The following TJP1 variants were observed in gnomAD, a reference collection of about 807,000 sequenced individuals.
TJP1 encodes the protein tight junction protein ZO-1.
A neutral mutation model predicts 194.2 loss-of-function variants in TJP1; 43 were observed. The observed-to-expected ratio is 0.22, with a 90% CI of 0.17 to 0.29. The LOEUF is 0.29. Ranked by LOEUF, TJP1 falls within the 10% of genes least tolerant of loss-of-function variation. The pLI, the probability that TJP1 is intolerant of heterozygous loss-of-function variation, is 1.00. For missense variants in TJP1, 1,971 were observed against 2,185.7 expected, an observed-to-expected ratio of 0.90 and a Z score of 1.96; for synonymous variants, 801 against 779.0, an observed-to-expected ratio of 1.03 and a Z score of -0.47.
At chr15:29,958,361 T>C (rs145475572) in intron 1 of TJP1, among the ~76,000 whole-genome samples, 3 of 152,172 alleles carry the variant, frequency 2.0e-5, no homozygotes, top group Non-Finnish European at 2.9e-5. Flanking sequence ...TTTCTTTCTT[T>C]ACCCAATCTG....
intron 2 of TJP1, among the ~76,000 whole-genome samples, chr15:29,874,205 A>G (rs1170305522): frequency 3.3e-5 from 5 of 152,208 alleles, no homozygotes; most frequent in Non-Finnish European, 7.3e-5. Context: ...CTAGGGCAAG[A>G]TAGGGCCTGC....
At chr15:29,915,686 G>A (rs1546748) in intron 2 of TJP1, among the ~76,000 whole-genome samples, 14,585 of 152,198 alleles carry the variant, frequency 0.096, 1,512 homozygotes, top group African/African-American at 0.26. Context: ...AAGTGCTCTA[G>A]CAAAGCACTT....
intron 2 of TJP1, among the ~76,000 whole-genome samples, chr15:29,851,029 T>G (rs1413600780): frequency 6.6e-6 from 1 of 151,994 alleles, no homozygotes. Flanking sequence ...TTCCAGATAC[T>G]TGGGAGGCTG....
At chr15:29,785,251 T>C (rs375228959) in intron 2 of TJP1, among the ~76,000 whole-genome samples, 173 of 152,342 alleles carry the variant, frequency 1.1e-3, no homozygotes, top group African/African-American at 3.9e-3. Context: ...TGTTTATATG[T>C]CTACGCCTGG....
intron 1 of TJP1, among the ~76,000 whole-genome samples, chr15:29,965,024 C>T (rs1296143133): frequency 6.6e-6 from 1 of 152,118 alleles, no homozygotes; most frequent in South Asian, 2.1e-4. Context: ...CACAAATGCC[C>T]AAGCGAGATG....
At chr15:29,779,962 C>G (rs2047254756) in intron 2 of TJP1, among the ~76,000 whole-genome samples, 1 of 149,894 alleles carries the variant, frequency 6.7e-6, no homozygotes, top group African/African-American at 2.4e-5. Flanking sequence ...AACAAACAAA[C>G]AAACAAAATC....
chr15:29,859,509 C>G (rs1023128924), intron 2 of TJP1, among the ~76,000 whole-genome samples: 1 of 152,182 alleles, frequency 6.6e-6, no homozygotes, highest in Non-Finnish European at 1.5e-5. Flanking sequence ...ACCCCATGCA[C>G]AGAGGTGGCC....
At chr15:29,836,529 C>T (rs1381834489) in intron 2 of TJP1, among the ~76,000 whole-genome samples, 1 of 152,112 alleles carries the variant, frequency 6.6e-6, no homozygotes, top group Non-Finnish European at 1.5e-5. Context: ...CCTCAGCCTC[C>T]CAAGTACTGA....
intron 1 of TJP1, among the ~76,000 whole-genome samples, chr15:29,808,725 GGA>G (rs1301599090): frequency 6.6e-6 from 1 of 152,112 alleles, no homozygotes; most frequent in Non-Finnish European, 1.5e-5. Context: ...AGTAGATGAA[GGA>G]GAGTTTCTTT....
At chr15:29,846,458 GAGTTACACAC>G (rs1295673897) in intron 2 of TJP1, among the ~76,000 whole-genome samples, 1 of 152,066 alleles carries the variant, frequency 6.6e-6, no homozygotes, top group African/African-American at 2.4e-5. Flanking sequence ...TGATATCAGG[GAGTTACACAC>G]AAGAGAAGGG....
chr15:29,901,320 C>T (rs189993951), intron 2 of TJP1, among the ~76,000 whole-genome samples: 144 of 152,284 alleles, frequency 9.5e-4, no homozygotes, highest in African/African-American at 3.2e-3. Context: ...TTTGACTGTT[C>T]CTGCTTTCAC....
intron 2 of TJP1, among the ~76,000 whole-genome samples, chr15:29,859,168 A>C (rs951234596): frequency 7.9e-5 from 12 of 152,228 alleles, no homozygotes; most frequent in African/African-American, 2.2e-4. Flanking sequence ...GAAACGATTA[A>C]CTTATAGTTT....
At chr15:29,755,276 C>A (rs1267541547) in intron 8 of TJP1, among the ~76,000 whole-genome samples, 1 of 152,168 alleles carries the variant, frequency 6.6e-6, no homozygotes, top group East Asian at 1.9e-4. Flanking sequence ...GATGTTCACA[C>A]AAGGATGCAT....
At chr15:29,719,327 TA>T (rs762419744) in intron 20 of TJP1, among the ~76,000 whole-genome samples, 189 bp from the exon 21 acceptor site, 3 of 152,276 alleles carry the variant, frequency 2.0e-5, no homozygotes, top group South Asian at 4.1e-4. Flanking sequence ...ATAATGCAGG[TA>T]GGGGCTTTTA....
rs1389992105 is a variant in TJP1, at chr15:29,822,310, C to CCACGT, written c.-287_-283dup. The CCACGT allele has an allele frequency of 2.6e-4, 286 of 1,111,278 alleles. No individual in the cohort carries two copies. The highest frequency in any genetic ancestry group is 2.9e-4 in the Non-Finnish European group (260 of 910,494). The allele number at this position is 1,111,278 out of a possible 1,614,324, so 68.8% of individuals were successfully genotyped here. A position where few individuals can be genotyped will look rare whatever the true frequency, so the allele number is the denominator to read the frequency against. Reference sequence around the variant, plus strand: ...GCCTCCCGCAGCTTTCGCAGCCCGGCCACGTCGGCCTCGCCCGGTCGCCCG... The same window carrying CCACGT: ...GCCTCCCGCAGCTTTCGCAGCCCGGCCACGTCACGTCGGCCTCGCCCGGTCGCCCG... On this transcript the variant is annotated 5_prime_UTR_variant, in exon 1 of 28. Transcript: ENST00000614355.
At chr15:29,949,645 CACCACCACCTCCACCTCCACA>C (rs1555459025) in intron 2 of TJP1, among the ~76,000 whole-genome samples, 9 of 114,058 alleles carry the variant, frequency 7.9e-5, no homozygotes, top group African/African-American at 2.9e-4. Flanking sequence ...CCACCTCCAC[CACCACCACCTCCACCTCCACA>C]ACCACCACCT....
intron 2 of TJP1, among the ~76,000 whole-genome samples, chr15:29,871,545 G>T (rs1342295816): frequency 2.0e-5 from 3 of 152,236 alleles, no homozygotes; most frequent in African/African-American, 7.2e-5. Flanking sequence ...AGCTTGCCGT[G>T]GGAGAGGCGC....
At position 29,808,377 on chromosome 15, in the gene TJP1, C is replaced by T. The variant is rs373765787; in HGVS notation, c.28-7675G>A. ...CGAAGGGATGGAGGTGGGGGAGCTT[C>T]GGGACGTAAAGTAAATGTTCTTCCT... On this transcript the variant is annotated intron_variant, in intron 1 of 27. Coordinates refer to ENST00000614355, the MANE Select transcript of TJP1 (RefSeq NM_001330239.4). 4.6e-5 allele frequency among the ~76,000 whole-genome samples: 7 copies of T among 152,246 alleles called. No homozygotes were observed. In the South Asian group the frequency reaches 8.3e-4, roughly 18 times the overall value.
intron 4 of TJP1, among the ~76,000 whole-genome samples, chr15:29,766,778 C>T (rs2046357461): frequency 6.6e-6 from 1 of 151,854 alleles, no homozygotes; most frequent in Non-Finnish European, 1.5e-5. Flanking sequence ...GGCCTAAAAA[C>T]CTCTTTATTT....
Sources: allele counts gnomAD v4.1 joint callset (sites outside exome capture counted in the v4.1 genomes callset), GRCh38; gene constraint gnomAD v4.1.1; transcripts MANE v1.5; gene names NCBI Gene and HGNC (gene_info 2026-07-23, HGNC 2026-07-21).